The following CTNNA2 variants were observed in gnomAD, a reference collection of about 807,000 sequenced individuals.
CTNNA2 encodes the protein catenin alpha 2, also known as catenin alpha-2.
CTNNA2 carries 42 observed loss-of-function variants against 101.0 expected under a neutral mutation model. The observed-to-expected ratio is 0.42, with a 90% CI of 0.32 to 0.54. The LOEUF (loss-of-function observed/expected upper bound fraction) is 0.54. CTNNA2 is among the 20% of genes least tolerant of loss of function. The probability of loss-of-function intolerance (pLI) is 0.14; values close to 1 mark genes in which losing one functional copy is unlikely to be tolerated. For missense variants in CTNNA2, 871 were observed against 1,223.1 expected (o/e 0.71, Z 4.29); for synonymous variants, 450 against 456.4 (o/e 0.99, Z 0.18).
chr2:80,281,704 T>C (rs1674394720), intron 7 of CTNNA2, among the ~76,000 whole-genome samples: 2 of 152,096 alleles, frequency 1.3e-5, no homozygotes, highest in Admixed American at 1.3e-4. Context: ...ATCAACACTA[T>C]GAATTTTGCA....
chr2:79,190,270 T>C (rs1035863958), intron 1 of CTNNA2, among the ~76,000 whole-genome samples: 2 of 151,984 alleles, frequency 1.3e-5, no homozygotes, highest in African/African-American at 2.4e-5. Context: ...ACCCTTTTAA[T>C]TTAGGAGTTG....
At chr2:80,027,693 G>T (rs1695020694) in intron 7 of CTNNA2, among the ~76,000 whole-genome samples, 1 of 152,126 alleles carries the variant, frequency 6.6e-6, no homozygotes, top group African/African-American at 2.4e-5. Flanking sequence ...AATGCCTGGT[G>T]CCGTGGCTCG....
intron 7 of CTNNA2, among the ~76,000 whole-genome samples, chr2:80,101,591 AAAT>A (rs1187736927): frequency 5.3e-5 from 8 of 152,194 alleles, no homozygotes; most frequent in Admixed American, 5.2e-4. Flanking sequence ...CATTGAAACA[AAAT>A]GGTTTGGGCA....
intron 4 of CTNNA2, among the ~76,000 whole-genome samples, chr2:79,499,918 C>A (rs148881317): frequency 9.3e-4 from 142 of 152,300 alleles, no homozygotes; most frequent in African/African-American, 3.0e-3. Flanking sequence ...CAATATTGGC[C>A]AGCAGCCTGG....
intron 1 of CTNNA2, chr2:79,547,517 A>C (rs936137306): frequency 1.7e-4 from 26 of 152,406 alleles, no homozygotes; most frequent in Non-Finnish European, 1.5e-4. Context: ...TGTGAAGAAA[A>C]TGTGACAGCT....
intron 3 of CTNNA2, among the ~76,000 whole-genome samples, chr2:79,343,605 G>A (rs1677187374): frequency 1.3e-5 from 2 of 152,222 alleles, no homozygotes; most frequent in East Asian, 1.9e-4. Flanking sequence ...TCCTGGCCAA[G>A]GTGGCACACA....
intron 2 of CTNNA2, among the ~76,000 whole-genome samples, chr2:79,299,226 T>A (rs184396515): frequency 4.6e-5 from 7 of 152,262 alleles, no homozygotes; most frequent in Non-Finnish European, 1.0e-4. Context: ...GCCCACCAGC[T>A]CTCAGAGTCT....
intron 7 of CTNNA2, chr2:80,162,712 G>A (rs1704406731): frequency 5.0e-6 from 8 of 1,612,224 alleles, no homozygotes; most frequent in Non-Finnish European, 6.8e-6. Context: ...TTAAAACTAT[G>A]ACTGTGTGAT....
At chr2:79,583,253 C>T (rs1320621489) in intron 1 of CTNNA2, among the ~76,000 whole-genome samples, 2 of 151,358 alleles carry the variant, frequency 1.3e-5, no homozygotes, top group African/African-American at 4.9e-5. Flanking sequence ...AAGACTTTGC[C>T]TCATCTACTC....
intron 7 of CTNNA2, among the ~76,000 whole-genome samples, chr2:80,386,701 A>G (rs969277633): frequency 3.3e-5 from 5 of 152,164 alleles, no homozygotes; most frequent in African/African-American, 1.2e-4. Context: ...TCAAATGACA[A>G]CAATTTGAAA....
At chr2:79,970,713 G>A (rs1690415872) in intron 7 of CTNNA2, among the ~76,000 whole-genome samples, 1 of 152,254 alleles carries the variant, frequency 6.6e-6, no homozygotes, top group Non-Finnish European at 1.5e-5. Context: ...CCATACTGGA[G>A]AATGGAGGGC....
intron 2 of CTNNA2, among the ~76,000 whole-genome samples, chr2:79,687,401 T>C (rs182141435): frequency 6.6e-6 from 1 of 150,686 alleles, no homozygotes. Flanking sequence ...ACTATTATAG[T>C]ACTGAGGAGC....
At chr2:80,279,035 A>G (rs1674144999) in intron 7 of CTNNA2, among the ~76,000 whole-genome samples, 1 of 112,220 alleles carries the variant, frequency 8.9e-6, no homozygotes, top group Non-Finnish European at 1.9e-5. Flanking sequence ...TCCCTGGTAC[A>G]TTAATGACTT....
At chr2:79,563,187 A>ATT (rs59729866) in intron 1 of CTNNA2, among the ~76,000 whole-genome samples, 4 of 31,788 alleles carry the variant, frequency 1.3e-4, no homozygotes, top group African/African-American at 2.8e-4. Flanking sequence ...ATATATATAT[A>ATT]TTTTCCTTCA....
intron 9 of CTNNA2, among the ~76,000 whole-genome samples, chr2:80,465,605 A>T (rs1360983592): frequency 6.6e-6 from 1 of 152,186 alleles, no homozygotes; most frequent in Non-Finnish European, 1.5e-5. Flanking sequence ...TAGAAATCAA[A>T]GCAGCCCATC....
At chr2:80,245,030 T>G (rs1479706051) in intron 7 of CTNNA2, among the ~76,000 whole-genome samples, 1 of 152,220 alleles carries the variant, frequency 6.6e-6, no homozygotes, top group Admixed American at 6.5e-5. Context: ...AATTATGAAG[T>G]GCACAAAAGG....
At chr2:80,141,127 C>G (rs918502920) in intron 7 of CTNNA2, among the ~76,000 whole-genome samples, 1 of 151,880 alleles carries the variant, frequency 6.6e-6, no homozygotes, top group Admixed American at 6.6e-5. Context: ...TTCTTAGGAC[C>G]GCTCCATAGG....
intron 3 of CTNNA2, among the ~76,000 whole-genome samples, chr2:79,354,775 C>T (rs1491002068): frequency 6.6e-6 from 1 of 152,130 alleles, no homozygotes; most frequent in Non-Finnish European, 1.5e-5. Flanking sequence ...TCACTACTTC[C>T]TTAGGAGCTG....
intron 7 of CTNNA2, among the ~76,000 whole-genome samples, chr2:80,095,331 C>G (rs748535587): frequency 2.8e-5 from 4 of 140,478 alleles, no homozygotes; most frequent in African/African-American, 1.1e-4. Context: ...GTTGAACCAG[C>G]CTTGCATCCC....
Sources: allele counts gnomAD v4.1 joint callset (sites outside exome capture counted in the v4.1 genomes callset), GRCh38; gene constraint gnomAD v4.1.1; transcripts MANE v1.5; gene names NCBI Gene and HGNC (gene_info 2026-07-23, HGNC 2026-07-21).